The following NRG3 variants were observed in gnomAD, a reference collection of about 807,000 sequenced individuals.
NRG3 encodes the protein pro-neuregulin-3, membrane-bound isoform.
Under a neutral mutation model 66.9 loss-of-function variants are expected in NRG3, and 31 were observed. That is an observed-to-expected ratio of 0.46 (90% CI 0.35 to 0.63). The LOEUF (loss-of-function observed/expected upper bound fraction) is 0.63, where lower values mean the gene tolerates loss of function less well. NRG3 is among the 20% of genes least tolerant of loss of function. The pLI, the probability that NRG3 is intolerant of heterozygous loss-of-function variation, is 0.00. For missense variants in NRG3, 910 were observed against 878.9 expected (o/e 1.04, Z -0.45); for synonymous variants, 393 against 359.4 (o/e 1.09, Z -1.06).
At chr10:82,138,595 A>G (rs910202434) in intron 1 of NRG3, among the ~76,000 whole-genome samples, 1 of 152,212 alleles carries the variant, frequency 6.6e-6, no homozygotes, top group Non-Finnish European at 1.5e-5. Flanking sequence ...ATTGACTCAC[A>G]TGATCACAAG....
At chr10:82,380,153 G>A (rs1390858702) in intron 2 of NRG3, among the ~76,000 whole-genome samples, 9 of 151,896 alleles carry the variant, frequency 5.9e-5, no homozygotes, top group Non-Finnish European at 1.3e-4. Context: ...TACATGTGGA[G>A]CTTTTTACTT....
intron 1 of NRG3, among the ~76,000 whole-genome samples, chr10:82,181,498 A>G (rs893472752): frequency 6.6e-6 from 1 of 151,692 alleles, no homozygotes; most frequent in Non-Finnish European, 1.5e-5. Context: ...CTAATTTCCC[A>G]TTTGATTACT....
At position 82,319,172 on chromosome 10, in the gene NRG3, A is replaced by G. The variant is rs114959138; in HGVS notation, c.824-39567A>G. Among the ~76,000 whole-genome samples, 621 of 152,374 alleles carry G rather than the reference A, an allele frequency of 4.1e-3. 7 individuals carry two copies. Among genetic ancestry groups the G allele is most frequent in the African/African-American group, 0.014 (598 of 41,586 alleles). ...ATTGCAGCATCTGAAAGAGAAGTAC[A>G]GGATAGTGGTGCACACAGAGCTGGC... is the stretch of plus-strand genomic sequence containing the variant. On this transcript the variant is annotated intron_variant, in intron 1 of 8. Transcript: ENST00000372141.
At chr10:82,195,369 T>C (rs1034526464) in intron 1 of NRG3, among the ~76,000 whole-genome samples, 2 of 152,096 alleles carry the variant, frequency 1.3e-5, no homozygotes, top group African/African-American at 4.8e-5. Context: ...ATAATAAAAA[T>C]CATAAACAAA....
At chr10:82,340,747 T>C (rs2082643100) in intron 1 of NRG3, 1 of 152,132 alleles carries the variant, frequency 6.6e-6, no homozygotes, top group South Asian at 2.1e-4. Context: ...TATTTTAGTG[T>C]GTGCTCAAAA....
rs77938992 is a variant in NRG3, at chr10:82,457,294, G to A, written c.953+98426G>A. On this transcript the variant is annotated intron_variant, in intron 2 of 8. Coordinates refer to ENST00000372141, the MANE Select transcript of NRG3 (RefSeq NM_001010848.4). ...GGTGGTAGGGGAATAGGGGGAATAC[G>A]GTTTCAGGATGAAACTGTTCCACCT... Among the ~76,000 whole-genome samples the A allele has an allele frequency of 5.7e-3, 865 of 152,202 alleles. 7 individuals are homozygous for A. The highest frequency in any genetic ancestry group is 0.016 in the African/African-American group (664 of 41,524).
At chr10:82,452,749 A>G (rs1405662261) in intron 2 of NRG3, among the ~76,000 whole-genome samples, 4 of 152,158 alleles carry the variant, frequency 2.6e-5, no homozygotes, top group Non-Finnish European at 4.4e-5. Flanking sequence ...TGTTGATTCA[A>G]TAACCTGATT....
intron 1 of NRG3, among the ~76,000 whole-genome samples, chr10:81,913,318 C>T (rs1171328337): frequency 6.6e-6 from 1 of 152,166 alleles, no homozygotes; most frequent in Non-Finnish European, 1.5e-5. Flanking sequence ...CCAGCGTCCT[C>T]ATGCAGAGCC....
At chr10:81,926,139 A>G (rs1356303076) in intron 1 of NRG3, among the ~76,000 whole-genome samples, 1 of 151,992 alleles carries the variant, frequency 6.6e-6, no homozygotes, top group African/African-American at 2.4e-5. Flanking sequence ...TATTTTTGAG[A>G]TGGAGTCTAA....
intron 2 of NRG3, among the ~76,000 whole-genome samples, chr10:82,517,514 A>T (rs1207985790): frequency 6.6e-6 from 1 of 152,072 alleles, no homozygotes; most frequent in Non-Finnish European, 1.5e-5. Context: ...TTAGTCTAGG[A>T]ATATATAATC....
At chr10:82,364,334 A>G (rs1236051707) in intron 2 of NRG3, among the ~76,000 whole-genome samples, 1 of 152,204 alleles carries the variant, frequency 6.6e-6, no homozygotes, top group African/African-American at 2.4e-5. Context: ...TGTTGAAATC[A>G]TGTTTTGAAA....
intron 1 of NRG3, among the ~76,000 whole-genome samples, chr10:81,877,019 A>C (rs1024861543): frequency 6.6e-6 from 1 of 152,140 alleles, no homozygotes; most frequent in Non-Finnish European, 1.5e-5. Context: ...TGCCTGAAAA[A>C]TATAGACGAG....
rs138046320 is a variant in NRG3, at chr10:82,495,284, C to A, written c.953+136416C>A. On this transcript the variant is annotated intron_variant, in intron 2 of 8. Transcript: ENST00000372141. ...GCTTTGAACAGTTGTAGTCCCAAGG[C>A]TATCCCTCTTATGGTTTTAAAGTTG... is the stretch of plus-strand genomic sequence containing the variant. 6.4e-3 allele frequency among the ~76,000 whole-genome samples: 967 copies of A among 152,254 alleles called. 8 individuals carry two copies. Among genetic ancestry groups the A allele is most frequent in the Non-Finnish European group, 0.011 (715 of 68,006 alleles).
At chr10:82,656,135 ATTAC>A (rs1200119577) in intron 2 of NRG3, among the ~76,000 whole-genome samples, 1 of 152,186 alleles carries the variant, frequency 6.6e-6, no homozygotes, top group East Asian at 1.9e-4. Context: ...AAGTTCATGT[ATTAC>A]TTTTCAGCTG....
intron 1 of NRG3, among the ~76,000 whole-genome samples, chr10:81,950,168 A>G (rs974458799): frequency 6.6e-5 from 10 of 152,142 alleles, no homozygotes; most frequent in East Asian, 1.9e-4. Context: ...TTTTTATTCA[A>G]TGAGATTTGA....
At chr10:82,840,233 A>C (rs1268423480) in intron 3 of NRG3, among the ~76,000 whole-genome samples, 4 of 152,194 alleles carry the variant, frequency 2.6e-5, no homozygotes, top group Non-Finnish European at 5.9e-5. Flanking sequence ...ATATCCGCGT[A>C]GTTAACTCCT....
intron 3 of NRG3, among the ~76,000 whole-genome samples, chr10:82,790,597 T>C (rs2060547641): frequency 6.6e-6 from 1 of 152,128 alleles, no homozygotes; most frequent in Admixed American, 6.5e-5. Context: ...GCCTCTTGGA[T>C]GTATGAATTA....
At chr10:82,393,114 C>A (rs1404156766) in intron 2 of NRG3, among the ~76,000 whole-genome samples, 1 of 152,118 alleles carries the variant, frequency 6.6e-6, no homozygotes, top group Non-Finnish European at 1.5e-5. Context: ...TATCACAGAA[C>A]CCCTCTGGAC....
intron 3 of NRG3, among the ~76,000 whole-genome samples, chr10:82,815,880 C>T (rs775240832): frequency 4.9e-4 from 74 of 152,202 alleles, no homozygotes; most frequent in Non-Finnish European, 9.1e-4. Context: ...CCACTGTGCA[C>T]TGGCTAGGCA....
Sources: gnomAD v4.1 joint callset for allele counts (sites outside exome capture counted in the v4.1 genomes callset) on GRCh38, gnomAD v4.1.1 for gene constraint, MANE v1.5 for transcripts, NCBI Gene and HGNC (gene_info 2026-07-23, HGNC 2026-07-21) for gene names.